TTLL5: variants seen among roughly 807,000 people sequenced by gnomAD.
TTLL5 encodes tubulin polyglutamylase TTLL5.
In TTLL5, 132 loss-of-function variants were observed where a neutral mutation model predicts 168.4. The observed-to-expected ratio is 0.78, with a 90% confidence interval of 0.68 to 0.91. TTLL5 has a LOEUF of 0.91. Ranked by LOEUF, TTLL5 falls within the 40% of genes least tolerant of loss-of-function variation. The pLI is 0.00. For synonymous variants in TTLL5, 546 were observed against 558.6 expected (o/e 0.98, Z 0.32); for missense variants, 1,545 against 1,581.5 (o/e 0.98, Z 0.39).
chr14:75,880,900 C>A (rs1010470231), intron 29 of TTLL5, among the ~76,000 whole-genome samples: 1 of 152,120 alleles, frequency 6.6e-6, no homozygotes, highest in East Asian at 1.9e-4. Flanking sequence ...GACCTTGCAT[C>A]TGTCTTTGTT....
chr14:75,785,176 C>CTTTTTT (rs903930146), intron 26 of TTLL5, among the ~76,000 whole-genome samples: 6 of 102,596 alleles, frequency 5.8e-5, no homozygotes, highest in African/African-American at 4.2e-5. Context: ...AGATTTCCTC[C>CTTTTTT]TTTTTTTTTT....
At chr14:75,885,650 A>G (rs1368811868) in intron 30 of TTLL5, among the ~76,000 whole-genome samples, 1 of 152,236 alleles carries the variant, frequency 6.6e-6, no homozygotes, top group African/African-American at 2.4e-5. Flanking sequence ...TTTTTAATCT[A>G]GAGAAGCTTT....
intron 28 of TTLL5, among the ~76,000 whole-genome samples, chr14:75,836,502 G>A (rs879572790): frequency 4.6e-5 from 7 of 152,128 alleles, no homozygotes; most frequent in Non-Finnish European, 7.4e-5. Context: ...CAAGGTGACT[G>A]TAGTCAAAAA....
At chr14:75,869,906 GC>G (rs2030879843) in intron 29 of TTLL5, among the ~76,000 whole-genome samples, 1 of 130,636 alleles carries the variant, frequency 7.7e-6, no homozygotes, top group Non-Finnish European at 1.5e-5. Flanking sequence ...TGCAACGTCT[GC>G]CTCCCGGGTT....
intron 27 of TTLL5, among the ~76,000 whole-genome samples, chr14:75,813,262 G>A (rs1303494233): frequency 9.7e-6 from 1 of 102,896 alleles, no homozygotes; most frequent in Non-Finnish European, 2.0e-5. Context: ...CAGGCACTGT[G>A]TGTGTGTTTG....
At chr14:75,739,939 A>G (rs190224452) in intron 15 of TTLL5, among the ~76,000 whole-genome samples, 4 of 152,322 alleles carry the variant, frequency 2.6e-5, no homozygotes, top group Admixed American at 2.6e-4. Context: ...CACATTTGCC[A>G]TCATCCACAA....
At chr14:75,851,380 A>T (rs1356962322) in intron 28 of TTLL5, among the ~76,000 whole-genome samples, 1 of 152,162 alleles carries the variant, frequency 6.6e-6, no homozygotes, top group Non-Finnish European at 1.5e-5. Context: ...TTTTATTCTT[A>T]AAAAATTGCT....
chr14:75,664,681 G>A (rs971506199), intron 2 of TTLL5, among the ~76,000 whole-genome samples: 6 of 152,212 alleles, frequency 3.9e-5, no homozygotes, highest in Non-Finnish European at 5.9e-5. Flanking sequence ...AGATTTGAAA[G>A]TATATTTGGG....
At chr14:75,729,620 AT>A (rs1204511792) in intron 12 of TTLL5, among the ~76,000 whole-genome samples, 2 of 152,166 alleles carry the variant, frequency 1.3e-5, no homozygotes, top group Non-Finnish European at 2.9e-5. Context: ...GCACTATGTT[AT>A]AATGCTGTCA....
At chr14:75,661,517 A>G (rs945456240) in intron 1 of TTLL5, 130 bp downstream of exon 1, 6 of 152,214 alleles carry the variant, frequency 3.9e-5, no homozygotes, top group African/African-American at 7.2e-5. Context: ...GCCGCGTTGA[A>G]TCGCGGCTGC....
chr14:75,837,752 A>G (rs933077895), intron 28 of TTLL5, among the ~76,000 whole-genome samples: 1 of 152,214 alleles, frequency 6.6e-6, no homozygotes, highest in African/African-American at 2.4e-5. Flanking sequence ...GGGTTTATCT[A>G]TGTTATAATG....
chr14:75,817,842 T>C (rs1894544334), intron 27 of TTLL5, among the ~76,000 whole-genome samples: 1 of 135,966 alleles, frequency 7.4e-6, no homozygotes, highest in African/African-American at 2.8e-5. Flanking sequence ...TTTTTTTTTT[T>C]TTTTTTTTTT....
At chr14:75,901,503 C>T (rs1453340993) in intron 30 of TTLL5, among the ~76,000 whole-genome samples, 1 of 152,214 alleles carries the variant, frequency 6.6e-6, no homozygotes, top group African/African-American at 2.4e-5. Context: ...GTGTACATTT[C>T]TCAGTCTTGC....
chr14:75,953,939 C>T (rs2035034679), intron 31 of TTLL5, among the ~76,000 whole-genome samples: 1 of 151,998 alleles, frequency 6.6e-6, no homozygotes, highest in African/African-American at 2.4e-5. Flanking sequence ...AGGTTTCCAA[C>T]AAAAGTGGTT....
At position 75,735,291 on chromosome 14, in the gene TTLL5, T is replaced by G. The variant is rs1888810604; in HGVS notation, c.1281+2T>G. On this transcript the variant is annotated splice_donor_variant, in intron 15 of 31. Coordinates refer to ENST00000298832, the MANE Select transcript of TTLL5 (RefSeq NM_015072.5). LOFTEE classifies it high-confidence loss of function. Reference sequence around the variant, plus strand: ...CGAAACCCTTTCCAGAAACCTCAGGTAAGCCAATTCCACAGCAGGGAGCCT... The same window carrying G: ...CGAAACCCTTTCCAGAAACCTCAGGGAAGCCAATTCCACAGCAGGGAGCCT... The G allele has an allele frequency of 6.2e-7, 1 of 1,613,980 alleles. No homozygotes were observed. The highest frequency in any genetic ancestry group is 8.5e-7 in the Non-Finnish European group (1 of 1,179,936).
chr14:75,748,936 G>C (rs528882954), intron 17 of TTLL5, among the ~76,000 whole-genome samples: 1 of 152,090 alleles, frequency 6.6e-6, no homozygotes, highest in Non-Finnish European at 1.5e-5. Context: ...TGGGATGTTC[G>C]TGGTTCTAAG....
intron 18 of TTLL5, among the ~76,000 whole-genome samples, chr14:75,762,657 T>A (rs558980675): frequency 5.9e-5 from 9 of 152,304 alleles, no homozygotes; most frequent in African/African-American, 2.2e-4. Context: ...CTTGTACTAT[T>A]TAGGATTTAT....
At chr14:75,841,738 TAAAAA>T (rs549955722) in intron 28 of TTLL5, among the ~76,000 whole-genome samples, 1 of 151,944 alleles carries the variant, frequency 6.6e-6, no homozygotes, top group African/African-American at 2.4e-5. Flanking sequence ...TGTCCATACT[TAAAAA>T]AAATAGTTGT....
chr14:75,917,461 C>G (rs756946701), intron 31 of TTLL5, among the ~76,000 whole-genome samples: 1 of 152,212 alleles, frequency 6.6e-6, no homozygotes, highest in African/African-American at 2.4e-5. Context: ...TGGAGCTAAG[C>G]GGCTGGTGAT....
Sources: gnomAD v4.1 joint callset for allele counts (sites outside exome capture counted in the v4.1 genomes callset) on GRCh38, gnomAD v4.1.1 for gene constraint, MANE v1.5 for transcripts, NCBI Gene and HGNC (gene_info 2026-07-23, HGNC 2026-07-21) for gene names.